The following NF2 variants were observed in gnomAD, a reference collection of about 807,000 sequenced individuals.
The protein encoded by NF2 is NF2, moesin-ezrin-radixin like (MERLIN) tumor suppressor.
Under a neutral mutation model 83.7 loss-of-function variants are expected in NF2, and 8 were observed. That is an observed-to-expected ratio of 0.10 (90% CI 0.06 to 0.17). The LOEUF is 0.17. Ranked by LOEUF, NF2 falls within the 10% of genes least tolerant of loss-of-function variation. NF2 has a pLI of 1.00. For missense variants in NF2, 533 were observed against 744.4 expected (o/e 0.72, Z 3.31); for synonymous variants, 266 against 269.6 (o/e 0.99, Z 0.13).
chr22:29,673,511 T>A (rs1374573279), intron 12 of NF2, 25 bp downstream of exon 12: 2 of 1,593,914 alleles, frequency 1.3e-6, no homozygotes, highest in South Asian at 2.3e-5. Flanking sequence ...GGCACCAGAC[T>A]GGCGAGGAGG....
chr22:29,605,474 T>C (rs2064766495), intron 1 of NF2, among the ~76,000 whole-genome samples: 1 of 151,996 alleles, frequency 6.6e-6, no homozygotes, highest in Non-Finnish European at 1.5e-5. Context: ...CCGCCCAGCC[T>C]CACCTAGCTA....
chr22:29,640,650 G>T (rs778440321), intron 3 of NF2, among the ~76,000 whole-genome samples: 2 of 152,088 alleles, frequency 1.3e-5, no homozygotes, highest in African/African-American at 2.4e-5. Flanking sequence ...GAGATAGTTG[G>T]GTAGTCTGTC....
chr22:29,628,046 T>A (rs1032865736), intron 1 of NF2, among the ~76,000 whole-genome samples: 1 of 152,162 alleles, frequency 6.6e-6, no homozygotes, highest in Non-Finnish European at 1.5e-5. Flanking sequence ...GTTATCATGA[T>A]TATCATCAAC....
chr22:29,609,127 T>C, intron 1 of NF2: 2 of 751,692 alleles, frequency 2.7e-6, no homozygotes, highest in Non-Finnish European at 5.0e-6. Flanking sequence ...ACCCAGGGGC[T>C]TTGATTAAAG....
In NF2 at chr22:29,678,185, C is replaced by G; in HGVS notation, c.1447-11C>G. On this transcript the variant is annotated splice_polypyrimidine_tract_variant and intron_variant, in intron 13 of 15. Coordinates refer to ENST00000338641, the MANE Select transcript of NF2 (RefSeq NM_000268.4). ...GACCCAAGCTCCTAATCCGAAATTTCTCATTAACAGCCCATGAACCCAATT... is the reference window on the plus strand; with the variant it reads ...GACCCAAGCTCCTAATCCGAAATTTGTCATTAACAGCCCATGAACCCAATT... The G allele has an allele frequency of 1.2e-6, 2 of 1,613,876 alleles. No individual in the cohort carries two copies. Among genetic ancestry groups the G allele is most frequent in the African/African-American group, 1.3e-5 (1 of 75,016 alleles).
At chr22:29,649,611 A>C (rs1601603574) in intron 4 of NF2, among the ~76,000 whole-genome samples, 1 of 152,240 alleles carries the variant, frequency 6.6e-6, no homozygotes, top group South Asian at 2.1e-4. Context: ...CTGTGGTGGC[A>C]TATGCCTGTA....
Position 29,654,743 on chromosome 22 carries a change from CT to C in NF2, c.516+22del. 1 of 1,598,020 alleles carries C rather than the reference CT, an allele frequency of 6.3e-7. No individual in the cohort carries two copies. The highest frequency in any genetic ancestry group is 8.6e-7 in the Non-Finnish European group (1 of 1,165,464). On this transcript the variant is annotated intron_variant, in intron 5 of 15. Coordinates refer to ENST00000338641, the MANE Select transcript of NF2 (RefSeq NM_000268.4). ...CAAAAAGGGTAAGAGATTAAATTCC[CT>C]TTTCAGGAAGACATAGCAGATATGT...
In NF2 at chr22:29,689,054, C is replaced by T. The variant is rs193068309; in HGVS notation, c.1738-5698C>T. Among the ~76,000 whole-genome samples, 146 of 152,086 alleles carry T rather than the reference C, an allele frequency of 9.6e-4. 2 individuals carry two copies. Among genetic ancestry groups the T allele is most frequent in the African/African-American group, 3.4e-3 (143 of 41,450 alleles). ...ATTAGCTGGGCGTGGTGGCATGCGC[C>T]TGTAGTTCCAGCTACTCAGGAGGCT... On this transcript the variant is annotated intron_variant, in intron 15 of 15. Coordinates refer to ENST00000338641, the MANE Select transcript of NF2 (RefSeq NM_000268.4).
intron 4 of NF2, among the ~76,000 whole-genome samples, chr22:29,647,340 G>A (rs1270171698): frequency 6.6e-6 from 1 of 152,166 alleles, no homozygotes; most frequent in East Asian, 1.9e-4. Context: ...AGAAAATTGA[G>A]TGTGTAAAGT....
At chr22:29,630,090 A>G (rs1481556944) in intron 1 of NF2, among the ~76,000 whole-genome samples, 1 of 152,198 alleles carries the variant, frequency 6.6e-6, no homozygotes, top group Non-Finnish European at 1.5e-5. Context: ...AGTGGGAGAA[A>G]TGCAGCTGTC....
At chr22:29,608,162 G>C (rs2146685169) in intron 1 of NF2, among the ~76,000 whole-genome samples, 1 of 66,474 alleles carries the variant, frequency 1.5e-5, no homozygotes, top group African/African-American at 6.2e-5. Flanking sequence ...AACAGAGCAA[G>C]ACTCTGTCTC....
chr22:29,667,479 A>C (rs1055980897), intron 9 of NF2, among the ~76,000 whole-genome samples: 5 of 152,096 alleles, frequency 3.3e-5, no homozygotes, highest in Non-Finnish European at 7.4e-5. Context: ...GGGCTCAAGC[A>C]ATCTGCCTGC....
chr22:29,660,228 C>T lies in NF2; in HGVS notation c.676-977C>T, dbSNP rs1461919605. Among the ~76,000 whole-genome samples, 10 of 152,286 alleles carry T rather than the reference C, an allele frequency of 6.6e-5. No homozygotes were observed. In the South Asian group the frequency reaches 1.0e-3, roughly 16 times the overall value. ...CTGTGGGAGCCCAGGGCACCCGCCGCGGGCTGCTCTGACTGCTGGCCAGGA... is the reference window on the plus strand; with the variant it reads ...CTGTGGGAGCCCAGGGCACCCGCCGTGGGCTGCTCTGACTGCTGGCCAGGA... On this transcript the variant is annotated intron_variant, in intron 7 of 15. Transcript: ENST00000338641.
At chr22:29,628,788 G>A (rs530160943) in intron 1 of NF2, among the ~76,000 whole-genome samples, 9 of 151,958 alleles carry the variant, frequency 5.9e-5, no homozygotes, top group East Asian at 3.9e-4. Flanking sequence ...GCGCCACCAC[G>A]CCCAACTAGT....
chr22:29,632,281 T>G lies in NF2; in HGVS notation c.115-4470T>G, dbSNP rs374387096. Among the ~76,000 whole-genome samples the G allele has an allele frequency of 5.3e-5, 8 of 152,202 alleles. 1 individual carries two copies. The East Asian group carries it at 9.6e-4, about 18-fold the overall frequency. ...ACTGACCTCTTTTTTGCCTCTAGACTTGTGCATATGCTATTCCCTCTGCCT... is the reference window on the plus strand; with the variant it reads ...ACTGACCTCTTTTTTGCCTCTAGACGTGTGCATATGCTATTCCCTCTGCCT... On this transcript the variant is annotated intron_variant, in intron 1 of 15. Coordinates refer to ENST00000338641, the MANE Select transcript of NF2 (RefSeq NM_000268.4).
At chr22:29,616,081 C>T (rs943544039) in intron 1 of NF2, among the ~76,000 whole-genome samples, 8 of 152,112 alleles carry the variant, frequency 5.3e-5, no homozygotes, top group Non-Finnish European at 1.2e-4. Context: ...CAAAAGAACA[C>T]ATATGATTCC....
chr22:29,682,113 G>T (rs1378014492), intron 15 of NF2, among the ~76,000 whole-genome samples: 1 of 152,040 alleles, frequency 6.6e-6, no homozygotes, highest in Non-Finnish European at 1.5e-5. Context: ...CTTTGCAAAT[G>T]GTTTCATATC....
At chr22:29,655,151 C>T (rs942258583) in intron 5 of NF2, among the ~76,000 whole-genome samples, 2 of 152,166 alleles carry the variant, frequency 1.3e-5, no homozygotes, top group Non-Finnish European at 2.9e-5. Context: ...GAAGCAGGCC[C>T]GCCCTCCCTT....
At chr22:29,665,217 T>A (rs1180926179) in intron 9 of NF2, among the ~76,000 whole-genome samples, 153 bp downstream of exon 9, 2 of 150,930 alleles carry the variant, frequency 1.3e-5, no homozygotes, top group Non-Finnish European at 2.9e-5. Flanking sequence ...GAGTTAAAAC[T>A]AAATTATATC....
Sources: gnomAD v4.1 joint callset for allele counts (sites outside exome capture counted in the v4.1 genomes callset) on GRCh38, gnomAD v4.1.1 for gene constraint, MANE v1.5 for transcripts, NCBI Gene and HGNC (gene_info 2026-07-23, HGNC 2026-07-21) for gene names.